The following KIAA1614 variants were observed in gnomAD, a reference collection of about 807,000 sequenced individuals.
KIAA1614 encodes uncharacterized protein KIAA1614.
KIAA1614 carries 76 observed loss-of-function variants against 88.7 expected under a neutral mutation model. The observed-to-expected ratio is 0.86, with a 90% CI of 0.71 to 1.04. The LOEUF is 1.04. KIAA1614 is among the 50% of genes least tolerant of loss of function. The pLI is 0.00. For missense variants in KIAA1614, 1,553 were observed against 1,582.5 expected (o/e 0.98, Z 0.32); for synonymous variants, 714 against 675.5 (o/e 1.06, Z -0.88).
chr1:180,946,957 C>G lies in KIAA1614; in HGVS notation c.*1369C>G, dbSNP rs1203763512. 6.6e-6 allele frequency: 1 copy of G among 152,268 alleles called. No individual in the cohort carries two copies. Among genetic ancestry groups the G allele is most frequent in the Non-Finnish European group, 1.5e-5 (1 of 68,080 alleles). The allele number at this position is 152,268 out of a possible 1,614,324, so 9.4% of individuals were successfully genotyped here. On this transcript the variant is annotated 3_prime_UTR_variant, in exon 9 of 9. Coordinates refer to ENST00000367588, the MANE Select transcript of KIAA1614 (RefSeq NM_020950.2). ...TACTCTTGTTATGTATAATGTGCTA[C>G]GTATGTCAGATGGTGAAAAGAAAGT...
At position 180,913,216 on chromosome 1, in the gene KIAA1614, GC is replaced by G. The variant is rs560914007; in HGVS notation, c.-27del. On this transcript the variant is annotated 5_prime_UTR_variant, in exon 1 of 9. Transcript: ENST00000367588. The stretch of plus-strand genomic sequence containing the variant: ...GCAGCTGGCCTGGGAGGGAGAAGGG[GC>G]TGGAGAGGGCCTGGCCTCTCCGAGG... The G allele has an allele frequency of 4.4e-4, 557 of 1,257,628 alleles. 1 individual carries two copies. In the African/African-American group the frequency reaches 8.0e-3, roughly 18 times the overall value. 77.9% of individuals were successfully genotyped at this position (1,257,628 alleles called of 1,614,324 possible). A position where few individuals can be genotyped will look rare whatever the true frequency, so the allele number is the denominator to read the frequency against.
intron 3 of KIAA1614, among the ~76,000 whole-genome samples, chr1:180,927,514 A>C (rs1027871090): frequency 6.6e-6 from 1 of 152,212 alleles, no homozygotes; most frequent in Non-Finnish European, 1.5e-5. Context: ...CTCATCTGTC[A>C]AGTGGAGAGA....
At chr1:180,939,095 CA>C in intron 6 of KIAA1614, among the ~76,000 whole-genome samples, 1 of 134,812 alleles carries the variant, frequency 7.4e-6, no homozygotes, top group Non-Finnish European at 1.7e-5. Context: ...TTCTCTCCTT[CA>C]GCTCAGGCAG....
chr1:180,923,699 G>A (rs1447348416), intron 3 of KIAA1614, among the ~76,000 whole-genome samples: 4 of 152,064 alleles, frequency 2.6e-5, no homozygotes, highest in Non-Finnish European at 4.4e-5. Context: ...GCAGAGGCAC[G>A]TCGTAAAGAG....
Position 180,938,723 on chromosome 1 carries a change from GAGAA to G in KIAA1614, c.2918+16_2918+19del. 1 of 1,612,664 alleles carries G rather than the reference GAGAA, an allele frequency of 6.2e-7. No homozygotes were observed. Among genetic ancestry groups the G allele is most frequent in the Non-Finnish European group, 8.5e-7 (1 of 1,179,086 alleles). On this transcript the variant is annotated intron_variant, in intron 6 of 8. Coordinates refer to ENST00000367588, the MANE Select transcript of KIAA1614 (RefSeq NM_020950.2). The stretch of plus-strand genomic sequence containing the variant: ...CATGTGCTGTCAAGGTGAGTGACAG[GAGAA>G]AGAGCCAGATTGCAGAAGGAGGTGG...
intron 3 of KIAA1614, 26 bp downstream of exon 3, chr1:180,917,940 T>C (rs1174247037): frequency 8.2e-6 from 13 of 1,594,232 alleles, no homozygotes; most frequent in African/African-American, 4.0e-5. Flanking sequence ...CCACATTTTC[T>C]CTCCCTCCCT....
chr1:180,942,682 C>T (rs575121830), intron 7 of KIAA1614, among the ~76,000 whole-genome samples: 3 of 152,280 alleles, frequency 2.0e-5, no homozygotes, highest in South Asian at 2.1e-4. Context: ...TTATCCAAAG[C>T]GTGTCTGAGC....
intron 4 of KIAA1614, among the ~76,000 whole-genome samples, chr1:180,934,687 G>A (rs1402492149): frequency 6.6e-6 from 1 of 152,180 alleles, no homozygotes; most frequent in Admixed American, 6.5e-5. Flanking sequence ...CAGCATTACA[G>A]CAAATACATA....
intron 4 of KIAA1614, among the ~76,000 whole-genome samples, chr1:180,932,131 G>T (rs1440641316): frequency 6.6e-6 from 1 of 152,046 alleles, no homozygotes; most frequent in Non-Finnish European, 1.5e-5. Flanking sequence ...GTTCTCTGGG[G>T]CTCAGAGTCC....
At chr1:180,917,797 T>C in intron 2 of KIAA1614, 54 bp from the exon 3 acceptor site, 2 of 1,434,530 alleles carry the variant, frequency 1.4e-6, no homozygotes, top group South Asian at 1.1e-5. Flanking sequence ...AAGTGGCAGC[T>C]GAGAGCCCTG....
In KIAA1614 at chr1:180,950,613, C is replaced by A; in HGVS notation, c.*5025C>A. On this transcript the variant is annotated 3_prime_UTR_variant, in exon 9 of 9. Transcript: ENST00000367588. ...GGGTGGTTGGCAGGAACGTGCTGCACAGAGCTGCTCTGTGGCGGAAACAGA... is the reference window on the plus strand; with the variant it reads ...GGGTGGTTGGCAGGAACGTGCTGCAAAGAGCTGCTCTGTGGCGGAAACAGA... The A allele has an allele frequency of 1.3e-6, 1 of 758,770 alleles. No individual in the cohort carries two copies. The highest frequency in any genetic ancestry group is 1.6e-6 in the Non-Finnish European group (1 of 609,746). The allele number at this position is 758,770 out of a possible 1,614,324, so 47.0% of individuals were successfully genotyped here. A position where few individuals can be genotyped will look rare whatever the true frequency, so the allele number is the denominator to read the frequency against.
intron 8 of KIAA1614, 53 bp from the exon 9 acceptor site, chr1:180,945,250 G>T: frequency 1.3e-6 from 2 of 1,540,046 alleles, no homozygotes; most frequent in Non-Finnish European, 8.7e-7. Flanking sequence ...GGGAAGAGCT[G>T]TGCCCAGTGC....
chr1:180,941,005 G>A (rs768969511), intron 6 of KIAA1614, 40 bp from the exon 7 acceptor site: 12 of 87,802 alleles, frequency 1.4e-4, no homozygotes, highest in African/African-American at 5.0e-4. Context: ...CCACCCTCCC[G>A]GCCCTCCCCC....
chr1:180,916,264 C>T lies in KIAA1614; in HGVS notation c.161C>T (p.Pro54Leu). 1 of 1,613,802 alleles carries T rather than the reference C, an allele frequency of 6.2e-7. No individual in the cohort carries two copies. The highest frequency in any genetic ancestry group is 8.5e-7 in the Non-Finnish European group (1 of 1,179,964). ...LDNGHPPRPW[P>L]CPQENRTSSL... ...AACGGACACCCCCCAAGACCCTGGC[C>T]TTGCCCTCAGGAAAACAGAACATCC... Residue 54 changes from proline to leucine, a missense_variant, in exon 2 of 9, where the codon CCT (proline) becomes CTT (leucine). Transcript: ENST00000367588.
At chr1:180,921,218 C>G (rs1196778644) in intron 3 of KIAA1614, among the ~76,000 whole-genome samples, 32 of 149,012 alleles carry the variant, frequency 2.1e-4, no homozygotes, top group East Asian at 1.0e-3. Flanking sequence ...CGGGCAGGGG[C>G]GGGGGGTCAC....
chr1:180,935,061 C>A lies in KIAA1614; in HGVS notation c.1206-54C>A. On this transcript the variant is annotated intron_variant, in intron 4 of 8. Transcript: ENST00000367588. The surrounding 1 kb of genome is among the most constrained non-coding windows in gnomAD (Gnocchi z 6.1). ...TGGAGAGGGTAGGGCCGATGCGTGT[C>A]CATACCTCCCCAGGTTTCTGCCCTT... 1 of 1,265,270 alleles carries A rather than the reference C, an allele frequency of 7.9e-7. No homozygotes were observed. Among genetic ancestry groups the A allele is most frequent in the Non-Finnish European group, 1.0e-6 (1 of 976,024 alleles). 78.4% of individuals were successfully genotyped at this position (1,265,270 alleles called of 1,614,324 possible). A position where few individuals can be genotyped will look rare whatever the true frequency, so the allele number is the denominator to read the frequency against.
chr1:180,917,053 A>G lies in KIAA1614; in HGVS notation c.950A>G (p.Lys317Arg), dbSNP rs2102254118. 1 of 1,613,698 alleles carries G rather than the reference A, an allele frequency of 6.2e-7. No individual in the cohort carries two copies. Among genetic ancestry groups the G allele is most frequent in the East Asian group, 2.2e-5 (1 of 44,884 alleles). The change falls in exon 2 of 9, where the codon AAG becomes AGG. Residue 317 changes from lysine (K) to arginine (R), a missense_variant. Lys to Arg is a conservative substitution (Grantham distance 26, BLOSUM62 2). Transcript: ENST00000367588. ...AACGTTTCTGGGCAGAGCCCCCGCA[A>G]GGTGGGAACCCCTGCCTGGACTCCA... ...MLNVSGQSPR[K>R]VGTPAWTPSW...
Position 180,935,805 on chromosome 1 carries a change from G to C in KIAA1614, c.1896G>C (p.Gln632His). ...ACAGTGAGGAGGCGGGGACCTCTCA[G>C]GCTGGCTGGGCGTGTGGGCGGACCC... ...RTDSEEAGTS[Q>H]AGWACGRTQG... is the part of the protein sequence containing the mutation. The change falls in exon 5 of 9, where the codon CAG becomes CAC. Residue 632 changes from glutamine to histidine, a missense_variant. Coordinates refer to ENST00000367588, the MANE Select transcript of KIAA1614 (RefSeq NM_020950.2). The surrounding 1 kb of genome is among the most constrained non-coding windows in gnomAD (Gnocchi z 6.1). 1 of 1,613,812 alleles carries C rather than the reference G, an allele frequency of 6.2e-7. No individual in the cohort carries two copies. The highest frequency in any genetic ancestry group is 8.5e-7 in the Non-Finnish European group (1 of 1,179,958).
At position 180,913,184 on chromosome 1, in the gene KIAA1614, G is replaced by T; in HGVS notation, c.-60G>T. 8.3e-7 allele frequency: 1 copy of T among 1,207,112 alleles called. No individual in the cohort carries two copies. The highest frequency in any genetic ancestry group is 1.1e-6 in the Non-Finnish European group (1 of 952,230). 74.8% of individuals were successfully genotyped at this position (1,207,112 alleles called of 1,614,324 possible). On this transcript the variant is annotated 5_prime_UTR_variant, in exon 1 of 9. Coordinates refer to ENST00000367588, the MANE Select transcript of KIAA1614 (RefSeq NM_020950.2). ...GATTCGGGGCTGGAAGTCCCTCCCCGAACCCAGCAGCTGGCCTGGGAGGGA... is the reference window on the plus strand; with the variant it reads ...GATTCGGGGCTGGAAGTCCCTCCCCTAACCCAGCAGCTGGCCTGGGAGGGA...
Sources: gnomAD v4.1 joint callset for allele counts (sites outside exome capture counted in the v4.1 genomes callset) on GRCh38, gnomAD v4.1.1 for gene constraint, Gnocchi (gnomAD v3.1) non-coding constraint, MANE v1.5 for transcripts, NCBI Gene and HGNC (gene_info 2026-07-23, HGNC 2026-07-21) for gene names.